The following KCTD3 variants were observed in gnomAD, a reference collection of about 807,000 sequenced individuals.
KCTD3 encodes potassium channel tetramerization domain containing 3.
Under a neutral mutation model 85.8 loss-of-function variants are expected in KCTD3, and 41 were observed. That is an observed-to-expected ratio of 0.48 (90% CI 0.37 to 0.62). The LOEUF (loss-of-function observed/expected upper bound fraction) is 0.62, where lower values mean the gene tolerates loss of function less well. Among genes scored for constraint, KCTD3 ranks in the 20% least tolerant of loss-of-function variants. The pLI is 0.00. For synonymous variants in KCTD3, 338 were observed against 345.4 expected (o/e 0.98, Z 0.24); for missense variants, 724 against 989.9 (o/e 0.73, Z 3.60).
intron 8 of KCTD3, among the ~76,000 whole-genome samples, chr1:215,582,821 C>G (rs968223105): frequency 1.3e-5 from 2 of 152,144 alleles, no homozygotes; most frequent in African/African-American, 4.8e-5. Flanking sequence ...CTCAGCCTTC[C>G]AAAGTGCTGG....
chr1:215,617,424 A>C (rs1655495127), intron 15 of KCTD3, among the ~76,000 whole-genome samples: 1 of 152,102 alleles, frequency 6.6e-6, no homozygotes, highest in South Asian at 2.1e-4. Context: ...TGTCAGAATT[A>C]AATTGAGTTA....
At chr1:215,583,220 T>A (rs1250199851) in intron 8 of KCTD3, among the ~76,000 whole-genome samples, 2 of 152,154 alleles carry the variant, frequency 1.3e-5, no homozygotes, top group Admixed American at 6.5e-5. Flanking sequence ...TGACTGAGTA[T>A]ACTTACAGTT....
chr1:215,583,252 T>C (rs959244088), intron 8 of KCTD3, among the ~76,000 whole-genome samples: 1 of 152,286 alleles, frequency 6.6e-6, no homozygotes, highest in African/African-American at 2.4e-5. Context: ...ATATACTAAA[T>C]AAGGGGTGGA....
At chr1:215,599,454 T>G (rs1210599144) in intron 10 of KCTD3, among the ~76,000 whole-genome samples, 3 of 152,196 alleles carry the variant, frequency 2.0e-5, no homozygotes, top group African/African-American at 7.2e-5. Context: ...GACTGGTATT[T>G]TAAAACTGTA....
rs766000351 is a variant in KCTD3, at chr1:215,620,308, G to C, written c.2138G>C (p.Gly713Ala). Residue 713 changes from glycine to alanine, a missense_variant, in exon 18 of 18, where the codon GGA (glycine) becomes GCA (alanine). This residue lies in a region of KCTD3 where 222 missense variants were observed against 217.7 expected (regional missense o/e 1.02). Transcript: ENST00000259154. ...ECNISERKSP[G>A]VEIKSLRELD... ...AATATATCTGAGAGAAAGTCTCCTG[G>C]AGTAGAAATAAAAAGTTTGAGAGAA... The C allele has an allele frequency of 2.5e-6, 4 of 1,613,848 alleles. No homozygotes were observed. The East Asian group carries it at 8.9e-5, about 36-fold the overall frequency.
rs75423868 is a variant in KCTD3 at position 215,591,805 on chromosome 1, G to C, written c.818-3551G>C. 1.0e-3 allele frequency among the ~76,000 whole-genome samples: 154 copies of C among 152,270 alleles called. 7 individuals carry two copies. In the East Asian group the frequency reaches 0.024, roughly 24 times the overall value. On this transcript the variant is annotated intron_variant, in intron 9 of 17. Coordinates refer to ENST00000259154, the MANE Select transcript of KCTD3 (RefSeq NM_016121.5). ...CTGTATCTACTAACTCTAGCCTCAA[G>C]TTCTTCGCCTCCTCAGTTCAGGGAA... is the stretch of plus-strand genomic sequence containing the variant.
intron 8 of KCTD3, among the ~76,000 whole-genome samples, chr1:215,582,060 G>A (rs952040108): frequency 6.6e-6 from 1 of 152,178 alleles, no homozygotes; most frequent in African/African-American, 2.4e-5. Flanking sequence ...AAGAGTAGTT[G>A]TGTGAATTGC....
chr1:215,594,360 C>T (rs1299650925), intron 9 of KCTD3, among the ~76,000 whole-genome samples: 1 of 152,104 alleles, frequency 6.6e-6, no homozygotes, highest in Non-Finnish European at 1.5e-5. Flanking sequence ...CCAAGGTGAG[C>T]CTAGAATTCT....
intron 1 of KCTD3, among the ~76,000 whole-genome samples, chr1:215,568,234 C>G (rs1468822771): frequency 1.3e-5 from 2 of 151,954 alleles, no homozygotes; most frequent in Non-Finnish European, 2.9e-5. Context: ...CTTTTCCGCG[C>G]CTAATTAGGG....
chr1:215,590,260 C>T (rs1307874525), intron 9 of KCTD3, among the ~76,000 whole-genome samples: 1 of 152,050 alleles, frequency 6.6e-6, no homozygotes, highest in Non-Finnish European at 1.5e-5. Context: ...CTCTGTAAAT[C>T]ATTTGCCCTT....
At chr1:215,576,783 T>C (rs965563910) in intron 4 of KCTD3, among the ~76,000 whole-genome samples, 4 of 151,746 alleles carry the variant, frequency 2.6e-5, no homozygotes, top group African/African-American at 9.7e-5. Flanking sequence ...TTAGTCATGA[T>C]GGTCTCCATC....
At chr1:215,577,833 C>G (rs768258816) in intron 5 of KCTD3, 105 bp downstream of exon 5, 9 of 1,280,952 alleles carry the variant, frequency 7.0e-6, no homozygotes, top group Non-Finnish European at 1.0e-5. Context: ...TGGACTTGTT[C>G]AGTGCTTAGT....
chr1:215,574,532 TG>T (rs1438054099), intron 3 of KCTD3, among the ~76,000 whole-genome samples: 1 of 152,140 alleles, frequency 6.6e-6, no homozygotes, highest in Non-Finnish European at 1.5e-5. Context: ...TATACAGCAT[TG>T]GTACAGTGAG....
intron 15 of KCTD3, among the ~76,000 whole-genome samples, chr1:215,615,148 G>A (rs1487899260): frequency 6.6e-6 from 1 of 152,102 alleles, no homozygotes; most frequent in Non-Finnish European, 1.5e-5. Context: ...AAAATAACAT[G>A]CAGAAATTAC....
At chr1:215,581,419 CTT>C (rs960880718) in intron 8 of KCTD3, among the ~76,000 whole-genome samples, 1 of 151,956 alleles carries the variant, frequency 6.6e-6, no homozygotes, top group African/African-American at 2.4e-5. Context: ...AATTTATCAT[CTT>C]ATATATTTGA....
chr1:215,611,943 A>G (rs765902886), intron 15 of KCTD3, 22 bp downstream of exon 15: 2 of 1,488,452 alleles, frequency 1.3e-6, no homozygotes, highest in African/African-American at 2.8e-5. Flanking sequence ...TTGTAAAAAT[A>G]TTTGTATTCA....
At chr1:215,619,406 A>G (rs1655579489) in intron 17 of KCTD3, 115 bp downstream of exon 17, 1 of 868,938 alleles carries the variant, frequency 1.2e-6, no homozygotes, top group African/African-American at 1.7e-5. Flanking sequence ...GTACATTTTA[A>G]ATTCAGACAT....
At position 215,579,192 on chromosome 1, in the gene KCTD3, G is replaced by A; in HGVS notation, c.535+55G>A. 3.5e-6 allele frequency: 5 copies of A among 1,448,542 alleles called. No homozygotes were observed. In the South Asian group the frequency reaches 4.9e-5, roughly 14 times the overall value. The allele number at this position is 1,448,542 out of a possible 1,614,324, so 89.7% of individuals were successfully genotyped here. On this transcript the variant is annotated intron_variant, in intron 7 of 17. Transcript: ENST00000259154. ...AAAAATACGTATGTTTTTAGTGCTG[G>A]GTGATATTGAGTAATTACTTTTAAA...
At chr1:215,587,757 ATTCT>A (rs1403587194) in intron 9 of KCTD3, among the ~76,000 whole-genome samples, 2 of 152,162 alleles carry the variant, frequency 1.3e-5, no homozygotes, top group Non-Finnish European at 1.5e-5. Context: ...GTCTTCTTTG[ATTCT>A]TTATCAAAAC....
Sources: allele counts gnomAD v4.1 joint callset (sites outside exome capture counted in the v4.1 genomes callset), GRCh38; gene constraint gnomAD v4.1.1; regional missense constraint gnomAD v4.1.1; transcripts MANE v1.5; gene names NCBI Gene and HGNC (gene_info 2026-07-23, HGNC 2026-07-21).